The following KDM1A variants were observed in gnomAD, a reference collection of about 807,000 sequenced individuals.
KDM1A encodes lysine-specific histone demethylase 1A.
A neutral mutation model predicts 109.4 loss-of-function variants in KDM1A; 49 were observed. The observed-to-expected ratio is 0.45, with a 90% CI of 0.36 to 0.57. The LOEUF is 0.57. Among genes scored for constraint, KDM1A ranks in the 20% least tolerant of loss-of-function variants. The probability of loss-of-function intolerance (pLI) is 0.00; values close to 1 mark genes in which losing one functional copy is unlikely to be tolerated. For missense variants in KDM1A, 668 were observed against 1,116.6 expected (o/e 0.60, Z 5.73); for synonymous variants, 380 against 415.4 (o/e 0.91, Z 1.04).
At chr1:23,064,010 G>A (rs977626691) in intron 9 of KDM1A, among the ~76,000 whole-genome samples, 3 of 152,076 alleles carry the variant, frequency 2.0e-5, no homozygotes, top group East Asian at 1.9e-4. Flanking sequence ...CCTCAGCCTC[G>A]TGAGTAGCTG....
chr1:23,032,272 G>A (rs1205171100), intron 2 of KDM1A, among the ~76,000 whole-genome samples: 1 of 151,068 alleles, frequency 6.6e-6, no homozygotes, highest in East Asian at 1.9e-4. Flanking sequence ...GTAAATAATT[G>A]ATTTACCATA....
intron 2 of KDM1A, among the ~76,000 whole-genome samples, chr1:23,038,201 T>G (rs1044113979): frequency 4.5e-4 from 69 of 152,118 alleles, no homozygotes; most frequent in African/African-American, 1.6e-3. Flanking sequence ...GTGGGCCATT[T>G]TCAGTAATGA....
chr1:23,082,080 C>A, intron 19 of KDM1A, 140 bp from the exon 20 acceptor site: 1 of 811,724 alleles, frequency 1.2e-6, no homozygotes, highest in Non-Finnish European at 1.9e-6. Flanking sequence ...AGCAGGCATT[C>A]ATCACTTGAT....
intron 10 of KDM1A, 125 bp downstream of exon 10, chr1:23,066,196 T>A: frequency 1.4e-6 from 1 of 703,582 alleles, no homozygotes; most frequent in South Asian, 1.8e-5. Context: ...GGTTTGTTGT[T>A]GTAGAGTTGC....
At chr1:23,073,256 C>A (rs553485663) in intron 14 of KDM1A, 36 bp from the exon 15 acceptor site, 17 of 1,121,514 alleles carry the variant, frequency 1.5e-5, no homozygotes, top group Non-Finnish European at 2.2e-5. Flanking sequence ...CTAGTGATAT[C>A]TTTTAATAAT....
chr1:23,080,351 C>T (rs928893286), intron 18 of KDM1A, among the ~76,000 whole-genome samples: 2 of 152,202 alleles, frequency 1.3e-5, no homozygotes, highest in Non-Finnish European at 2.9e-5. Context: ...TTCCCTTCCC[C>T]ATCCAGGCTG....
intron 9 of KDM1A, among the ~76,000 whole-genome samples, chr1:23,063,229 TGG>T (rs373852456): frequency 0.2 from 7,227 of 36,388 alleles, 1,094 homozygotes; most frequent in African/African-American, 0.42. Flanking sequence ...TGGGTGTGTG[TGG>T]GTGTGTGTGT....
rs1642923095 is a variant in KDM1A, at chr1:23,059,066, T to C, written c.1073-7T>C. 4 of 1,593,514 alleles carry C rather than the reference T, an allele frequency of 2.5e-6. No homozygotes were observed. Among genetic ancestry groups the C allele is most frequent in the Non-Finnish European group, 3.4e-6 (4 of 1,172,714 alleles). On this transcript the variant is annotated splice_region_variant and splice_polypyrimidine_tract_variant and intron_variant, in intron 8 of 20. Transcript: ENST00000400181. The stretch of plus-strand genomic sequence containing the variant: ...TATTGAATTTAATTGCTTGAGTTTT[T>C]TTCTAGGAGGGAATCCTATGGCTGT...
chr1:23,062,494 G>A (rs879872342), intron 9 of KDM1A, among the ~76,000 whole-genome samples: 2 of 152,228 alleles, frequency 1.3e-5, no homozygotes, highest in African/African-American at 2.4e-5. Flanking sequence ...ATGTCATCCT[G>A]TAGAAGGCCA....
chr1:23,034,006 T>C (rs1405423129), intron 2 of KDM1A, among the ~76,000 whole-genome samples: 3 of 152,210 alleles, frequency 2.0e-5, no homozygotes, highest in South Asian at 2.1e-4. Context: ...AGAAAAAGTT[T>C]GGGTGTTTTT....
intron 19 of KDM1A, 192 bp downstream of exon 19, chr1:23,081,765 A>G: frequency 3.4e-6 from 2 of 593,110 alleles, no homozygotes; most frequent in Non-Finnish European, 5.6e-6. Flanking sequence ...AGAGCTGGGG[A>G]GTCTGAAGGC....
At chr1:23,072,734 C>T (rs948925935) in intron 14 of KDM1A, among the ~76,000 whole-genome samples, 1 of 152,168 alleles carries the variant, frequency 6.6e-6, no homozygotes, top group Non-Finnish European at 1.5e-5. Context: ...CAACATCCAC[C>T]TCCTGGGTTC....
At chr1:23,038,715 A>G (rs780210005) in intron 2 of KDM1A, among the ~76,000 whole-genome samples, 1 of 152,202 alleles carries the variant, frequency 6.6e-6, no homozygotes, top group Non-Finnish European at 1.5e-5. Flanking sequence ...ACCCAGTGGA[A>G]GTCTTCAAGC....
chr1:23,054,680 G>A (rs1642773233), intron 5 of KDM1A, among the ~76,000 whole-genome samples: 2 of 152,116 alleles, frequency 1.3e-5, no homozygotes, highest in South Asian at 2.1e-4. Flanking sequence ...GGGCTAGAGC[G>A]TACAGGTACA....
At chr1:23,064,576 G>A (rs1480546776) in intron 9 of KDM1A, among the ~76,000 whole-genome samples, 1 of 152,214 alleles carries the variant, frequency 6.6e-6, no homozygotes, top group African/African-American at 2.4e-5. Context: ...TAAGATAGGT[G>A]TACAATGTTT....
intron 4 of KDM1A, among the ~76,000 whole-genome samples, chr1:23,052,107 C>T (rs183945997): frequency 5.3e-4 from 81 of 152,046 alleles, no homozygotes; most frequent in African/African-American, 1.9e-3. Context: ...TAGATTTGAG[C>T]GATGGATTTA....
At chr1:23,071,682 T>C (rs1033271990) in intron 13 of KDM1A, among the ~76,000 whole-genome samples, 4 of 152,212 alleles carry the variant, frequency 2.6e-5, no homozygotes, top group African/African-American at 9.6e-5. Flanking sequence ...AATCCCTAAC[T>C]TGGAATCTCG....
At chr1:23,081,598 G>C (rs773802633) in intron 19 of KDM1A, 25 bp downstream of exon 19, 3 of 1,613,428 alleles carry the variant, frequency 1.9e-6, no homozygotes, top group Non-Finnish European at 2.5e-6. Flanking sequence ...GGGGCAAGGA[G>C]GGATCTAGGG....
chr1:23,032,847 G>A (rs1200205962), intron 2 of KDM1A, among the ~76,000 whole-genome samples: 3 of 152,158 alleles, frequency 2.0e-5, no homozygotes, highest in Non-Finnish European at 2.9e-5. Flanking sequence ...AAAATTGAAC[G>A]GAAGCATTGC....
Sources: gnomAD v4.1 joint callset for allele counts (sites outside exome capture counted in the v4.1 genomes callset) on GRCh38, gnomAD v4.1.1 for gene constraint, MANE v1.5 for transcripts, NCBI Gene and HGNC (gene_info 2026-07-23, HGNC 2026-07-21) for gene names.